NME5: variants seen among roughly 807,000 people sequenced by gnomAD.
NME5 encodes nucleoside diphosphate kinase 5.
Under a neutral mutation model 21.6 loss-of-function variants are expected in NME5, and 18 were observed. The ratio of observed to expected loss-of-function variants is 0.83; its 90% CI spans 0.58 to 1.24. NME5 has a LOEUF of 1.24. NME5 is among the 50% of genes most tolerant of loss of function. The pLI, the probability that NME5 is intolerant of heterozygous loss-of-function variation, is 0.00. For synonymous variants in NME5, 70 were observed against 80.6 expected (o/e 0.87, Z 0.71); for missense variants, 223 against 255.4 (o/e 0.87, Z 0.86).
intron 5 of NME5, chr5:138,116,218 T>C (rs973712288): frequency 5.9e-5 from 9 of 152,648 alleles, no homozygotes; most frequent in African/African-American, 2.2e-4. Flanking sequence ...CTGTAGAACA[T>C]TGCTGAAAGA....
At chr5:138,132,196 C>CA (rs1436295340) in intron 2 of NME5, among the ~76,000 whole-genome samples, 1 of 151,984 alleles carries the variant, frequency 6.6e-6, no homozygotes, top group East Asian at 1.9e-4. Flanking sequence ...CCCGTCTCTA[C>CA]AAAAAATACA....
chr5:138,122,441 TAAAAAAA>T (rs70979581), intron 4 of NME5, among the ~76,000 whole-genome samples: 8 of 34,452 alleles, frequency 2.3e-4, no homozygotes, highest in East Asian at 9.5e-4. Flanking sequence ...ACTCTGTCTC[TAAAAAAA>T]AAAAAAAAAA....
chr5:138,126,950 T>C lies in NME5; in HGVS notation c.436+1529A>G, dbSNP rs1014752976. Among the ~76,000 whole-genome samples the C allele has an allele frequency of 2.0e-5, 3 of 151,888 alleles. No individual in the cohort carries two copies. In the East Asian group the frequency reaches 5.8e-4, roughly 29 times the overall value. ...TGACAGACTGAGACTCCATCTCAAA[T>C]AGATAAATAAATAATAAAAGCTAAC... On this transcript the variant is annotated intron_variant, in intron 4 of 5. Coordinates refer to ENST00000265191, the MANE Select transcript of NME5 (RefSeq NM_003551.3).
At chr5:138,122,485 ATAT>A (rs1751309636) in intron 4 of NME5, among the ~76,000 whole-genome samples, 3 of 146,314 alleles carry the variant, frequency 2.1e-5, no homozygotes, top group South Asian at 4.3e-4. Flanking sequence ...CCTAAATATT[ATAT>A]TATTTTTAAT....
At position 138,118,866 on chromosome 5, in the gene NME5, CAG is replaced by C; in HGVS notation, c.505_506del (p.Leu169AlafsTer2). 1 of 1,613,686 alleles carries C rather than the reference CAG, an allele frequency of 6.2e-7. No individual in the cohort carries two copies. The highest frequency in any genetic ancestry group is 8.5e-7 in the Non-Finnish European group (1 of 1,179,686). On this transcript the variant is annotated frameshift_variant, in exon 5 of 6. Coordinates refer to ENST00000265191, the MANE Select transcript of NME5 (RefSeq NM_003551.3). LOFTEE classifies it high-confidence loss of function. ...TACAAAGCTCTGTGAGTCCTTCAAG[CAG>C]AGTTGGCATTATATGTAAATTTAAA... ...DYLNLHIMPTLLEGLTELCKQ... is the reference protein window; with the variant it reads ...DYLNLHIMPTXLEGLTELCKQ...
At chr5:138,129,018 G>C (rs903917474) in intron 3 of NME5, among the ~76,000 whole-genome samples, 4 of 152,066 alleles carry the variant, frequency 2.6e-5, no homozygotes, top group Admixed American at 2.6e-4. Context: ...GAGAATAAGG[G>C]TAATCAACTA....
intron 2 of NME5, among the ~76,000 whole-genome samples, chr5:138,134,337 A>T (rs958880002): frequency 5.3e-5 from 8 of 151,598 alleles, no homozygotes; most frequent in African/African-American, 1.9e-4. Context: ...TCCGCCTCCC[A>T]GATTCAAGCG....
intron 2 of NME5, among the ~76,000 whole-genome samples, chr5:138,134,199 T>C (rs1486206384): frequency 6.6e-6 from 1 of 152,080 alleles, no homozygotes; most frequent in African/African-American, 2.4e-5. Flanking sequence ...CCTTGCCTCC[T>C]GAGTAGCTGG....
At chr5:138,131,777 T>G (rs1751574502) in intron 2 of NME5, among the ~76,000 whole-genome samples, 1 of 151,954 alleles carries the variant, frequency 6.6e-6, no homozygotes, top group African/African-American at 2.4e-5. Context: ...TTTTGCTCTG[T>G]CACCCAGGCT....
At chr5:138,127,623 G>C (rs1424076285) in intron 4 of NME5, 1 of 984,142 alleles carries the variant, frequency 1.0e-6, no homozygotes, top group Non-Finnish European at 1.2e-6. Context: ...TTTTATTTCT[G>C]CTCTAAAAAT....
chr5:138,121,943 T>C (rs1254306892), intron 4 of NME5, among the ~76,000 whole-genome samples: 1 of 152,008 alleles, frequency 6.6e-6, no homozygotes, highest in Non-Finnish European at 1.5e-5. Context: ...TCCTTCTGCC[T>C]CAGCCTCCCA....
intron 4 of NME5, among the ~76,000 whole-genome samples, chr5:138,120,378 T>C (rs1751261183): frequency 6.6e-6 from 1 of 151,696 alleles, no homozygotes. Flanking sequence ...GGACTACAGG[T>C]GCCCGCCACT....
At chr5:138,118,326 C>T (rs185815970) in intron 5 of NME5, among the ~76,000 whole-genome samples, 1,896 of 151,506 alleles carry the variant, frequency 0.013, 40 homozygotes, top group African/African-American at 0.044. Context: ...GGGGTTTCAC[C>T]GTGTTAGCCA....
intron 5 of NME5, among the ~76,000 whole-genome samples, chr5:138,118,574 C>T (rs545888557): frequency 2.9e-4 from 44 of 151,944 alleles, no homozygotes; most frequent in African/African-American, 1.1e-3. Flanking sequence ...CAACCTCTGC[C>T]TCTGGGTTCA....
intron 5 of NME5, among the ~76,000 whole-genome samples, chr5:138,118,099 T>C (rs541791594): frequency 6.6e-6 from 1 of 152,198 alleles, no homozygotes; most frequent in East Asian, 1.9e-4. Context: ...TTTAAAAAGG[T>C]TCTCAATATT....
At chr5:138,133,193 T>G (rs924423126) in intron 2 of NME5, among the ~76,000 whole-genome samples, 3 of 151,856 alleles carry the variant, frequency 2.0e-5, no homozygotes, top group Non-Finnish European at 2.9e-5. Flanking sequence ...CTCCGCCTAC[T>G]GGGTTCACGC....
chr5:138,128,194 C>T (rs1751477795), intron 4 of NME5, among the ~76,000 whole-genome samples: 2 of 151,808 alleles, frequency 1.3e-5, no homozygotes, highest in African/African-American at 4.8e-5. Flanking sequence ...TCAGCGTCGG[C>T]GACAGTGAGA....
intron 2 of NME5, among the ~76,000 whole-genome samples, chr5:138,133,237 A>G (rs1462183143): frequency 4.6e-5 from 7 of 151,748 alleles, no homozygotes; most frequent in Non-Finnish European, 1.0e-4. Context: ...AGTAGCTGAG[A>G]CTACAGGAGC....
At chr5:138,123,577 G>T (rs1326925213) in intron 4 of NME5, among the ~76,000 whole-genome samples, 1 of 152,076 alleles carries the variant, frequency 6.6e-6, no homozygotes, top group Non-Finnish European at 1.5e-5. Context: ...GTATTACATT[G>T]TGTATATACA....
Sources: allele counts gnomAD v4.1 joint callset (sites outside exome capture counted in the v4.1 genomes callset), GRCh38; gene constraint gnomAD v4.1.1; transcripts MANE v1.5; gene names NCBI Gene and HGNC (gene_info 2026-07-23, HGNC 2026-07-21).